SMYD3: variants seen among roughly 807,000 people sequenced by gnomAD.
The protein encoded by SMYD3 is histone-lysine N-methyltransferase SMYD3.
A neutral mutation model predicts 57.7 loss-of-function variants in SMYD3; 36 were observed. That is an observed-to-expected ratio of 0.62 (90% confidence interval 0.48 to 0.82). The LOEUF (loss-of-function observed/expected upper bound fraction) is 0.82. SMYD3 is among the 40% of genes least tolerant of loss of function. The pLI, the probability that SMYD3 is intolerant of heterozygous loss-of-function variation, is 0.00. For missense variants in SMYD3, 515 were observed against 538.8 expected (o/e 0.96, Z 0.44); for synonymous variants, 211 against 195.0 (o/e 1.08, Z -0.68).
chr1:246,019,978 A>G (rs1377774655), intron 5 of SMYD3, among the ~76,000 whole-genome samples: 1 of 152,212 alleles, frequency 6.6e-6, no homozygotes, highest in African/African-American at 2.4e-5. Flanking sequence ...CACAATATAT[A>G]TCTTCTTGGT....
intron 1 of SMYD3, chr1:246,426,208 G>A (rs1338312360): frequency 6.6e-6 from 1 of 152,050 alleles, no homozygotes; most frequent in Non-Finnish European, 1.5e-5. Flanking sequence ...TTACCCTATT[G>A]AGTTATTTTA....
At chr1:246,107,218 C>A (rs1003576253) in intron 5 of SMYD3, among the ~76,000 whole-genome samples, 5 of 150,734 alleles carry the variant, frequency 3.3e-5, no homozygotes, top group African/African-American at 1.2e-4. Context: ...ACCTGGGAGG[C>A]GGAGCTTGCA....
At chr1:246,209,071 T>C (rs887045651) in intron 5 of SMYD3, among the ~76,000 whole-genome samples, 5 of 152,172 alleles carry the variant, frequency 3.3e-5, no homozygotes, top group Non-Finnish European at 4.4e-5. Context: ...CATCACAGAA[T>C]ATACAAATTA....
intron 5 of SMYD3, among the ~76,000 whole-genome samples, chr1:246,214,840 C>A (rs2063140063): frequency 6.6e-6 from 1 of 152,152 alleles, no homozygotes; most frequent in South Asian, 2.1e-4. Context: ...CATTTTGCAG[C>A]TAAACTTGCT....
At chr1:246,065,840 A>G (rs12124651) in intron 5 of SMYD3, among the ~76,000 whole-genome samples, 16,156 of 152,202 alleles carry the variant, frequency 0.11, 949 homozygotes, top group African/African-American at 0.13. Flanking sequence ...TAAGAAAGGC[A>G]AAGTCCTTGC....
chr1:246,291,285 T>C (rs535120656), intron 5 of SMYD3, among the ~76,000 whole-genome samples: 1 of 152,312 alleles, frequency 6.6e-6, no homozygotes, highest in South Asian at 2.1e-4. Flanking sequence ...TATGAGTGCA[T>C]TTTGCAGATC....
intron 5 of SMYD3, among the ~76,000 whole-genome samples, chr1:246,252,725 A>G (rs1418160630): frequency 6.6e-6 from 1 of 152,156 alleles, no homozygotes. Flanking sequence ...CATTATTATT[A>G]TTTCCCAAAA....
intron 1 of SMYD3, among the ~76,000 whole-genome samples, chr1:246,377,788 G>A (rs1164234879): frequency 6.6e-6 from 1 of 152,190 alleles, no homozygotes; most frequent in African/African-American, 2.4e-5. Context: ...TGTATTCCTA[G>A]AAGTAAAACT....
At position 246,172,003 on chromosome 1, in the gene SMYD3, T is replaced by C. The variant is rs112490672; in HGVS notation, c.531+155198A>G. ...TCCATCCTGGGTGACAGACTATGAC[T>C]TTATCTCATGAAGGAAAAGAAAGTT... On this transcript the variant is annotated intron_variant, in intron 5 of 11. Coordinates refer to ENST00000490107, the MANE Select transcript of SMYD3 (RefSeq NM_001167740.2). 1.6e-3 allele frequency among the ~76,000 whole-genome samples: 246 copies of C among 152,302 alleles called. 1 individual carries two copies. Among genetic ancestry groups the C allele is most frequent in the African/African-American group, 5.5e-3 (229 of 41,554 alleles).
chr1:246,004,279 C>CA (rs2059132970), intron 5 of SMYD3, among the ~76,000 whole-genome samples: 2 of 151,938 alleles, frequency 1.3e-5, no homozygotes, highest in South Asian at 4.2e-4. Context: ...TATAAAAATG[C>CA]AAAAAAGAGA....
At chr1:246,393,376 C>T (rs2066603608) in intron 1 of SMYD3, among the ~76,000 whole-genome samples, 1 of 152,144 alleles carries the variant, frequency 6.6e-6, no homozygotes, top group African/African-American at 2.4e-5. Context: ...TTCCTACATA[C>T]ATCACAAAAT....
chr1:245,860,942 T>C (rs1029663105), intron 9 of SMYD3, among the ~76,000 whole-genome samples: 1 of 152,242 alleles, frequency 6.6e-6, no homozygotes, highest in Non-Finnish European at 1.5e-5. Flanking sequence ...TGTTCATTTA[T>C]GTATGTTCCC....
chr1:246,417,126 G>C (rs757751083), intron 1 of SMYD3, among the ~76,000 whole-genome samples: 6 of 152,056 alleles, frequency 3.9e-5, no homozygotes, highest in Non-Finnish European at 5.9e-5. Context: ...AGTTTCCAAA[G>C]AGAACCATTT....
intron 5 of SMYD3, among the ~76,000 whole-genome samples, chr1:246,287,483 G>T (rs2064592975): frequency 6.6e-6 from 1 of 152,194 alleles, no homozygotes; most frequent in Non-Finnish European, 1.5e-5. Context: ...TGTCCAAACT[G>T]GGTTGGAGGG....
intron 1 of SMYD3, among the ~76,000 whole-genome samples, chr1:246,466,773 G>A (rs910803337): frequency 6.6e-6 from 1 of 152,012 alleles, no homozygotes; most frequent in Admixed American, 6.6e-5. Context: ...ACTTGAGCCC[G>A]GGAAATCAAG....
intron 5 of SMYD3, among the ~76,000 whole-genome samples, chr1:246,271,101 G>A (rs570355400): frequency 1.4e-4 from 21 of 152,172 alleles, no homozygotes; most frequent in African/African-American, 4.1e-4. Flanking sequence ...GCTTATTGGC[G>A]TATCTTCTTT....
At chr1:246,504,051 A>G (rs921228412) in intron 1 of SMYD3, among the ~76,000 whole-genome samples, 1 of 151,962 alleles carries the variant, frequency 6.6e-6, no homozygotes, top group South Asian at 2.1e-4. Context: ...TTTTCCAGGC[A>G]CAACACGGAA....
chr1:245,871,093 T>C (rs2052167131), intron 8 of SMYD3, among the ~76,000 whole-genome samples: 1 of 152,220 alleles, frequency 6.6e-6, no homozygotes, highest in Non-Finnish European at 1.5e-5. Flanking sequence ...TTACAAACTT[T>C]TCCAGTAATT....
At chr1:246,148,395 GA>G (rs2061890693) in intron 5 of SMYD3, among the ~76,000 whole-genome samples, 1 of 152,122 alleles carries the variant, frequency 6.6e-6, no homozygotes, top group Non-Finnish European at 1.5e-5. Context: ...CACTCCACTA[GA>G]TGACCTGCCT....
Sources: gnomAD v4.1 joint callset for allele counts (sites outside exome capture counted in the v4.1 genomes callset) on GRCh38, gnomAD v4.1.1 for gene constraint, MANE v1.5 for transcripts, NCBI Gene and HGNC (gene_info 2026-07-23, HGNC 2026-07-21) for gene names.